Variants in ANTXR1 observed in about 807,000 individuals in gnomAD.
The protein encoded by ANTXR1 is anthrax toxin receptor 1.
ANTXR1 carries 19 observed loss-of-function variants against 78.1 expected under a neutral mutation model. That is an observed-to-expected ratio of 0.24 (90% confidence interval 0.17 to 0.36). The LOEUF (loss-of-function observed/expected upper bound fraction) is 0.36. ANTXR1 is among the 10% of genes least tolerant of loss of function. ANTXR1 has a pLI of 1.00. For missense variants in ANTXR1, 518 were observed against 718.6 expected (o/e 0.72, Z 3.19); for synonymous variants, 273 against 260.5 (o/e 1.05, Z -0.46).
chr2:69,155,794 G>T (rs1354799264), intron 13 of ANTXR1, among the ~76,000 whole-genome samples: 1 of 152,094 alleles, frequency 6.6e-6, no homozygotes, highest in Non-Finnish European at 1.5e-5. Flanking sequence ...CCAGGTAGGG[G>T]GTGGCTTTAT....
chr2:69,083,307 G>C (rs1298088112), intron 8 of ANTXR1, among the ~76,000 whole-genome samples: 1 of 152,302 alleles, frequency 6.6e-6, no homozygotes, highest in African/African-American at 2.4e-5. Flanking sequence ...CTAGCAGATG[G>C]GGAGGCACAT....
At chr2:69,227,165 G>T (rs920207700) in intron 17 of ANTXR1, among the ~76,000 whole-genome samples, 1 of 152,136 alleles carries the variant, frequency 6.6e-6, no homozygotes, top group African/African-American at 2.4e-5. Context: ...CCCAGATTTT[G>T]AGTGCTGTAA....
chr2:69,019,182 G>T (rs1270354622), intron 1 of ANTXR1, among the ~76,000 whole-genome samples: 1 of 152,186 alleles, frequency 6.6e-6, no homozygotes, highest in Non-Finnish European at 1.5e-5. Flanking sequence ...TGCAAAATTG[G>T]CTCTGAATAA....
intron 17 of ANTXR1, among the ~76,000 whole-genome samples, chr2:69,242,663 G>A (rs1361187654): frequency 6.6e-6 from 1 of 152,190 alleles, no homozygotes; most frequent in African/African-American, 2.4e-5. Context: ...TCAAGGACAT[G>A]AATCTCTTGA....
intron 13 of ANTXR1, among the ~76,000 whole-genome samples, chr2:69,157,492 C>G (rs908414967): frequency 7.2e-5 from 11 of 152,104 alleles, no homozygotes; most frequent in African/African-American, 2.2e-4. Context: ...TCACGTTACC[C>G]CCTAAACCTG....
At chr2:69,023,258 A>ATGGTGATGGTGATGGTTATGG (rs942945204) in intron 1 of ANTXR1, among the ~76,000 whole-genome samples, 4 of 146,834 alleles carry the variant, frequency 2.7e-5, no homozygotes, top group African/African-American at 1.1e-4. Context: ...GAGACGATAG[A>ATGGTGATGGTGATGGTTATGG]TGGTGATGGT....
rs1028997778 is a variant in ANTXR1 at position 69,208,278 on chromosome 2, C to T, written c.1434+14863C>T. Among the ~76,000 whole-genome samples the T allele has an allele frequency of 7.9e-5, 12 of 152,258 alleles. No individual in the cohort carries two copies. The East Asian group carries it at 2.3e-3, about 29-fold the overall frequency. On this transcript the variant is annotated intron_variant, in intron 17 of 17. Coordinates refer to ENST00000303714, the MANE Select transcript of ANTXR1 (RefSeq NM_032208.3). ...TCACATTTTTAAAAATTGTGGCCTC[C>T]CTTCTTACCCCCACAAGTAGCAAAA...
At chr2:69,108,911 T>A (rs1671893581) in intron 10 of ANTXR1, among the ~76,000 whole-genome samples, 1 of 152,138 alleles carries the variant, frequency 6.6e-6, no homozygotes, top group South Asian at 2.1e-4. Flanking sequence ...TTAATCAAAT[T>A]TGTAAAGACA....
At chr2:69,041,432 G>A (rs1353817279) in intron 2 of ANTXR1, among the ~76,000 whole-genome samples, 1 of 152,172 alleles carries the variant, frequency 6.6e-6, no homozygotes, top group Non-Finnish European at 1.5e-5. Flanking sequence ...AAACAAGTCT[G>A]CCTCCACACC....
chr2:69,056,490 C>G (rs190528686), intron 3 of ANTXR1, among the ~76,000 whole-genome samples: 1 of 152,160 alleles, frequency 6.6e-6, no homozygotes, highest in Admixed American at 6.5e-5. Flanking sequence ...TTAATGAACA[C>G]TCATTACCCA....
At chr2:69,067,306 CAA>C (rs58081284) in intron 3 of ANTXR1, among the ~76,000 whole-genome samples, 175 of 84,308 alleles carry the variant, frequency 2.1e-3, no homozygotes, top group African/African-American at 5.1e-3. Flanking sequence ...TGTTCTGGTA[CAA>C]AAAAAAAAAA....
At chr2:69,096,127 G>T (rs989014480) in intron 9 of ANTXR1, among the ~76,000 whole-genome samples, 2 of 151,614 alleles carry the variant, frequency 1.3e-5, no homozygotes, top group Non-Finnish European at 2.9e-5. Context: ...GCGTGGTGGC[G>T]GGCTCCTGTA....
intron 16 of ANTXR1, chr2:69,182,988 A>C (rs1381998077): frequency 3.3e-6 from 1 of 299,600 alleles, no homozygotes; most frequent in Non-Finnish European, 6.2e-6. Context: ...ATTAAAAAAA[A>C]AAAAAAAATC....
chr2:69,162,678 G>A (rs1204400852), intron 13 of ANTXR1, among the ~76,000 whole-genome samples: 1 of 152,162 alleles, frequency 6.6e-6, no homozygotes, highest in East Asian at 1.9e-4. Flanking sequence ...CCAGAGAAAG[G>A]ATGAGGAAGT....
intron 10 of ANTXR1, among the ~76,000 whole-genome samples, chr2:69,120,273 G>A (rs1672298316): frequency 6.6e-6 from 1 of 152,210 alleles, no homozygotes; most frequent in Non-Finnish European, 1.5e-5. Context: ...ATACACAACT[G>A]AAAGCACCTT....
Position 69,114,786 on chromosome 2 carries a change from C to G in ANTXR1, c.803-8231C>G, listed in dbSNP as rs531936579. 4.1e-4 allele frequency among the ~76,000 whole-genome samples: 62 copies of G among 152,294 alleles called. 1 individual carries two copies. Among genetic ancestry groups the G allele is most frequent in the African/African-American group, 1.3e-3 (56 of 41,558 alleles). ...TAAGAAAACCTGGACCCATTCAAGC[C>G]TGCAAGGAGGGCTTTATCAAGAGAC... On this transcript the variant is annotated intron_variant, in intron 10 of 17. Transcript: ENST00000303714.
Position 69,220,017 on chromosome 2 carries a change from T to C in ANTXR1, c.1435-25208T>C, listed in dbSNP as rs1328151788. On this transcript the variant is annotated intron_variant, in intron 17 of 17. Transcript: ENST00000303714. ...TCTCAAACTGCAGACAGTATCTTTT[T>C]GCATTTTATTAAACCTGCAGAGCTA... is the stretch of plus-strand genomic sequence containing the variant. Among the ~76,000 whole-genome samples, 8 of 152,238 alleles carry C rather than the reference T, an allele frequency of 5.3e-5. 1 individual carries two copies. The highest frequency in any genetic ancestry group is 4.1e-4 in the South Asian group (2 of 4,832).
chr2:69,187,431 A>G (rs188698977), intron 16 of ANTXR1, among the ~76,000 whole-genome samples: 64 of 152,056 alleles, frequency 4.2e-4, no homozygotes, highest in Non-Finnish European at 1.3e-4. Context: ...AGAAGAAAAA[A>G]AAAAGCGCAA....
At chr2:69,136,500 A>T (rs76246593) in intron 12 of ANTXR1, among the ~76,000 whole-genome samples, 6,494 of 152,326 alleles carry the variant, frequency 0.043, 183 homozygotes, top group East Asian at 0.074. Context: ...TGAAAATCTC[A>T]TGTTTTGAAA....
Sources: allele counts gnomAD v4.1 joint callset (sites outside exome capture counted in the v4.1 genomes callset), GRCh38; gene constraint gnomAD v4.1.1; transcripts MANE v1.5; gene names NCBI Gene and HGNC (gene_info 2026-07-23, HGNC 2026-07-21).